The following FEZ2 variants were observed in gnomAD, a reference collection of about 807,000 sequenced individuals.
The protein encoded by FEZ2 is fasciculation and elongation protein zeta-2.
A neutral mutation model predicts 40.4 loss-of-function variants in FEZ2; 51 were observed. The ratio of observed to expected loss-of-function variants is 1.26; its 90% CI spans 1.01 to 1.59. The LOEUF is 1.59. Among genes scored for constraint, FEZ2 ranks in the 40% most tolerant of loss-of-function variants. The pLI is 0.00. For missense variants in FEZ2, 640 were observed against 438.3 expected (o/e 1.46, Z -4.11); for synonymous variants, 242 against 172.0 (o/e 1.41, Z -3.18).
chr2:36,561,108 G>T (rs1668081206), intron 5 of FEZ2, among the ~76,000 whole-genome samples: 1 of 152,226 alleles, frequency 6.6e-6, no homozygotes, highest in Admixed American at 6.5e-5. Context: ...GCATTTTTCT[G>T]ATGTAGCTAA....
At chr2:36,559,603 G>A (rs1370815251) in intron 5 of FEZ2, among the ~76,000 whole-genome samples, 2 of 152,224 alleles carry the variant, frequency 1.3e-5, no homozygotes, top group Admixed American at 1.3e-4. Context: ...CTTCTTGCAG[G>A]TGATGCCCAA....
intron 1 of FEZ2, among the ~76,000 whole-genome samples, chr2:36,593,961 T>G (rs964537026): frequency 4.6e-5 from 7 of 152,006 alleles, no homozygotes; most frequent in African/African-American, 1.7e-4. Flanking sequence ...AATGCTTTAC[T>G]GCTTAGAAAT....
At position 36,552,273 on chromosome 2, in the gene FEZ2, A is replaced by C. The variant is rs1204210119; in HGVS notation, c.*890T>G. On this transcript the variant is annotated 3_prime_UTR_variant, in exon 8 of 8. Coordinates refer to ENST00000405912, the MANE Select transcript of FEZ2 (RefSeq NM_005102.3). The stretch of plus-strand genomic sequence containing the variant: ...CAAACATGTATTTTTACTTCTTAAA[A>C]AATTTATTAAATGCCATTGATTTGA... 8.9e-6 allele frequency: 4 copies of C among 447,432 alleles called. No homozygotes were observed. In the East Asian group the frequency reaches 2.8e-4, roughly 31 times the overall value. The allele number at this position is 447,432 out of a possible 1,614,324, so 27.7% of individuals were successfully genotyped here.
chr2:36,577,156 C>G (rs1435731204), intron 5 of FEZ2, among the ~76,000 whole-genome samples: 1 of 151,846 alleles, frequency 6.6e-6, no homozygotes, highest in Non-Finnish European at 1.5e-5. Context: ...TTTCAGAGTA[C>G]TCACTAGGAA....
intron 1 of FEZ2, among the ~76,000 whole-genome samples, chr2:36,595,327 T>C (rs533493164): frequency 5.3e-4 from 80 of 152,152 alleles, no homozygotes; most frequent in Non-Finnish European, 9.1e-4. Flanking sequence ...CTTGTTTTCC[T>C]GCAACTAGAT....
At position 36,570,856 on chromosome 2, in the gene FEZ2, A is replaced by C. The variant is rs114624891; in HGVS notation, c.903+7741T>G. Among the ~76,000 whole-genome samples the C allele has an allele frequency of 8.7e-3, 1,323 of 152,330 alleles. 20 individuals carry two copies. Among genetic ancestry groups the C allele is most frequent in the African/African-American group, 0.028 (1,168 of 41,572 alleles). On this transcript the variant is annotated intron_variant, in intron 5 of 7. Transcript: ENST00000405912. ...TCCATCATCTATCTATACGCAGTCC[A>C]TGACTGACCGAAATATCACTATGTG...
At chr2:36,553,872 G>C (rs1263714444) in intron 7 of FEZ2, among the ~76,000 whole-genome samples, 1 of 152,180 alleles carries the variant, frequency 6.6e-6, no homozygotes, top group Non-Finnish European at 1.5e-5. Context: ...CCCGGGCAAA[G>C]TGTCGTATTA....
Position 36,586,620 on chromosome 2 carries a change from A to G in FEZ2, c.376-3151T>C, listed in dbSNP as rs1668905770. On this transcript the variant is annotated intron_variant, in intron 2 of 7. Coordinates refer to ENST00000405912, the MANE Select transcript of FEZ2 (RefSeq NM_005102.3). ...CCAGCCTGGACAACAGAGCCAGACCATGTCTCAAAAAAAAAAAAAAAAATT... is the reference window on the plus strand; with the variant it reads ...CCAGCCTGGACAACAGAGCCAGACCGTGTCTCAAAAAAAAAAAAAAAAATT... Among the ~76,000 whole-genome samples the G allele has an allele frequency of 3.7e-5, 5 of 136,778 alleles. No individual in the cohort carries two copies. In the South Asian group the frequency reaches 1.2e-3, roughly 34 times the overall value. The allele number at this position is 136,778 out of a possible 152,430, so 89.7% of individuals were successfully genotyped here. A position where few individuals can be genotyped will look rare whatever the true frequency, so the allele number is the denominator to read the frequency against.
Position 36,578,701 on chromosome 2 carries a change from G to T in FEZ2, c.799C>A (p.Gln267Lys), listed in dbSNP as rs371447613. 21 of 1,613,204 alleles carry T rather than the reference G, an allele frequency of 1.3e-5. No individual in the cohort carries two copies. Among genetic ancestry groups the T allele is most frequent in the Non-Finnish European group, 1.7e-5 (20 of 1,179,796 alleles). The part of the protein sequence containing the change: ...NSFISVLIEV[Q>K]NKQKEHKETA... Reference sequence around the variant, plus strand: ...TCTTTGTGCTCTTTCTGTTTGTTTTGCACTTCAATAAGAACAGAAATAAAG... The same window carrying T: ...TCTTTGTGCTCTTTCTGTTTGTTTTTCACTTCAATAAGAACAGAAATAAAG... The change falls in exon 5 of 8, where the codon CAA becomes AAA. Residue 267 changes from glutamine (Q) to lysine (K), a missense_variant. Physicochemically the swap from Gln to Lys is moderately conservative, Grantham distance 53. Transcript: ENST00000405912.
intron 5 of FEZ2, among the ~76,000 whole-genome samples, chr2:36,570,757 G>A (rs931342803): frequency 6.6e-6 from 1 of 152,242 alleles, no homozygotes; most frequent in South Asian, 2.1e-4. Context: ...GTAACACAAT[G>A]GTAAGTATTT....
intron 2 of FEZ2, among the ~76,000 whole-genome samples, chr2:36,584,246 T>C (rs757881738): frequency 2.6e-5 from 4 of 152,176 alleles, no homozygotes; most frequent in African/African-American, 7.2e-5. Context: ...ACCAAAGCCA[T>C]AGCTCTGATT....
intron 5 of FEZ2, among the ~76,000 whole-genome samples, chr2:36,571,905 C>A (rs567676291): frequency 1.3e-5 from 2 of 150,394 alleles, no homozygotes; most frequent in South Asian, 4.3e-4. Context: ...ATCCCAGCTA[C>A]TCGGGAGGCT....
chr2:36,579,207 G>C (rs79629950), intron 4 of FEZ2: 1 of 75,340 alleles, frequency 1.3e-5, no homozygotes, highest in Non-Finnish European at 2.3e-5. Flanking sequence ...AAACACAAAA[G>C]TCGAGGGAAA....
At chr2:36,584,471 A>G (rs1463487310) in intron 2 of FEZ2, among the ~76,000 whole-genome samples, 3 of 152,126 alleles carry the variant, frequency 2.0e-5, no homozygotes, top group Non-Finnish European at 4.4e-5. Flanking sequence ...TGCCTGAAAA[A>G]ACTCAGCAGA....
rs1324132081 is a variant in FEZ2, at chr2:36,552,631, G to C, written c.*532C>G. ...CCAACAGTTTCAATGTTAGCACTAA[G>C]TATTAAACCAAAGTAATGCATATTC... On this transcript the variant is annotated 3_prime_UTR_variant, in exon 8 of 8. Coordinates refer to ENST00000405912, the MANE Select transcript of FEZ2 (RefSeq NM_005102.3). 4.6e-6 allele frequency: 1 copy of C among 218,988 alleles called. No individual in the cohort carries two copies. Among genetic ancestry groups the C allele is most frequent in the Non-Finnish European group, 9.2e-6 (1 of 108,858 alleles). The allele number at this position is 218,988 out of a possible 1,614,324, so 13.6% of individuals were successfully genotyped here.
chr2:36,588,163 G>GGATTA (rs1053573648), intron 2 of FEZ2, among the ~76,000 whole-genome samples: 3 of 152,020 alleles, frequency 2.0e-5, no homozygotes, highest in African/African-American at 7.2e-5. Context: ...CAAGTATCTG[G>GGATTA]GATTACAGGC....
intron 2 of FEZ2, among the ~76,000 whole-genome samples, chr2:36,587,840 G>A (rs1353444694): frequency 6.6e-6 from 1 of 152,030 alleles, no homozygotes; most frequent in Non-Finnish European, 1.5e-5. Flanking sequence ...AGAATGACGT[G>A]ATGACTTCTT....
rs777661878 is a variant in FEZ2 at position 36,552,293 on chromosome 2, A to T, written c.*870T>A. The T allele has an allele frequency of 2.3e-6, 1 of 436,844 alleles. No individual in the cohort carries two copies. Among genetic ancestry groups the T allele is most frequent in the Non-Finnish European group, 4.6e-6 (1 of 217,532 alleles). 27.1% of individuals were successfully genotyped at this position (436,844 alleles called of 1,614,324 possible). On this transcript the variant is annotated 3_prime_UTR_variant, in exon 8 of 8. Coordinates refer to ENST00000405912, the MANE Select transcript of FEZ2 (RefSeq NM_005102.3). ...TTAAAAAATTTATTAAATGCCATTG[A>T]TTTGACTGGAACCAGCAAAAGTGCT...
At chr2:36,566,593 C>T (rs188788363) in intron 5 of FEZ2, among the ~76,000 whole-genome samples, 51 of 152,274 alleles carry the variant, frequency 3.3e-4, no homozygotes, top group Non-Finnish European at 5.0e-4. Flanking sequence ...ACCTGCAAAA[C>T]GCTACAGCGA....
Sources: gnomAD v4.1 joint callset for allele counts (sites outside exome capture counted in the v4.1 genomes callset) on GRCh38, gnomAD v4.1.1 for gene constraint, MANE v1.5 for transcripts, NCBI Gene and HGNC (gene_info 2026-07-23, HGNC 2026-07-21) for gene names.